Variants in OLFM2 observed in about 807,000 individuals in gnomAD.
OLFM2 encodes olfactomedin 2, also known as noelin-2.
OLFM2 carries 20 observed loss-of-function variants against 43.9 expected under a neutral mutation model. The ratio of observed to expected loss-of-function variants is 0.46; its 90% confidence interval spans 0.32 to 0.66. The LOEUF (loss-of-function observed/expected upper bound fraction) is 0.66, where lower values mean the gene tolerates loss of function less well. Ranked by LOEUF, OLFM2 falls within the 30% of genes least tolerant of loss-of-function variation. OLFM2 has a pLI of 0.04. For missense variants in OLFM2, 416 were observed against 643.6 expected, an observed-to-expected ratio of 0.65 and a Z score of 3.83; for synonymous variants, 268 against 278.6, an observed-to-expected ratio of 0.96 and a Z score of 0.38.
Position 9,898,207 on chromosome 19 carries a change from G to A in OLFM2, c.64-37413C>T, listed in dbSNP as rs564711998. On this transcript the variant is annotated intron_variant, in intron 1 of 5. Coordinates refer to ENST00000264833, the MANE Select transcript of OLFM2 (RefSeq NM_058164.4). ...ATTACAGGCATGAGCCATAGCGCCT[G>A]GCCCCAGCTAATTTTTTTAAAAAAA... Among the ~76,000 whole-genome samples the A allele has an allele frequency of 2.0e-5, 3 of 150,500 alleles. No individual in the cohort carries two copies. The East Asian group carries it at 6.2e-4, about 31-fold the overall frequency.
intron 1 of OLFM2, among the ~76,000 whole-genome samples, chr19:9,863,440 G>A (rs974879814): frequency 2.0e-5 from 3 of 152,106 alleles, no homozygotes; most frequent in African/African-American, 7.2e-5. Context: ...CAGGGCAGGG[G>A]TGACTGCACA....
At chr19:9,926,281 G>T (rs1346815161) in intron 1 of OLFM2, among the ~76,000 whole-genome samples, 1 of 152,168 alleles carries the variant, frequency 6.6e-6, no homozygotes, top group Non-Finnish European at 1.5e-5. Flanking sequence ...GGCCAGGCAT[G>T]GTGGCTCACG....
intron 1 of OLFM2, chr19:9,913,777 G>A: frequency 3.0e-6 from 2 of 671,864 alleles, no homozygotes; most frequent in Non-Finnish European, 1.9e-6. Context: ...GGGTGAGGGG[G>A]GGCTCGGGGA....
intron 1 of OLFM2, chr19:9,913,417 GGCGGCA>G (rs1299221687): frequency 4.3e-6 from 4 of 924,358 alleles, no homozygotes; most frequent in African/African-American, 1.8e-5. Context: ...GGGCTGCGGC[GGCGGCA>G]GCGGCTGTGG....
At chr19:9,899,547 T>C (rs941062254) in intron 1 of OLFM2, among the ~76,000 whole-genome samples, 7 of 150,776 alleles carry the variant, frequency 4.6e-5, no homozygotes, top group African/African-American at 1.5e-4. Context: ...CATCTACTTG[T>C]TTTGTTCTTC....
At chr19:9,924,527 G>C (rs1381200485) in intron 1 of OLFM2, among the ~76,000 whole-genome samples, 1 of 152,060 alleles carries the variant, frequency 6.6e-6, no homozygotes, top group African/African-American at 2.4e-5. Context: ...CCAAAGCACT[G>C]GGATTATGGG....
At chr19:9,891,446 G>A (rs564879955) in intron 1 of OLFM2, among the ~76,000 whole-genome samples, 6 of 151,718 alleles carry the variant, frequency 4.0e-5, no homozygotes, top group African/African-American at 1.5e-4. Flanking sequence ...CCAACATGGT[G>A]AAATCCTGTC....
chr19:9,921,687 A>G lies in OLFM2; in HGVS notation c.63+14617T>C, dbSNP rs958924483. On this transcript the variant is annotated intron_variant, in intron 1 of 5. Transcript: ENST00000264833. ...TTTTTAGTAGAGACGGGGTTTCACC[A>G]TATTAGCCAGGACGGTCTTGATCTC... Among the ~76,000 whole-genome samples, 3 of 151,970 alleles carry G rather than the reference A, an allele frequency of 2.0e-5. No individual in the cohort carries two copies. The East Asian group carries it at 5.9e-4, about 30-fold the overall frequency.
At chr19:9,924,406 CAAAA>C (rs1166738814) in intron 1 of OLFM2, among the ~76,000 whole-genome samples, 4,426 of 25,292 alleles carry the variant, frequency 0.17, 200 homozygotes, top group African/African-American at 0.35. Flanking sequence ...ACTCTGTCTC[CAAAA>C]AAAAAAAAAA....
intron 1 of OLFM2, among the ~76,000 whole-genome samples, chr19:9,897,292 C>T (rs1599487168): frequency 1.4e-5 from 2 of 146,424 alleles, no homozygotes; most frequent in South Asian, 4.3e-4. Flanking sequence ...CCCACCACTA[C>T]ACTCTAGCCT....
chr19:9,860,849 CTCACTGGGACAGG>C (rs1371620209), intron 1 of OLFM2, 55 bp from the exon 2 acceptor site: 29 of 1,538,816 alleles, frequency 1.9e-5, no homozygotes, highest in Non-Finnish European at 2.4e-5. Flanking sequence ...TCGCCTCGCC[CTCACTGGGACAGG>C]AAGGGGGCCC....
At chr19:9,929,421 C>T (rs930498409) in intron 1 of OLFM2, among the ~76,000 whole-genome samples, 2 of 151,204 alleles carry the variant, frequency 1.3e-5, no homozygotes, top group Admixed American at 6.6e-5. Context: ...TATAGAGAAA[C>T]CCTGTCTCTA....
At chr19:9,928,705 T>A (rs571167681) in intron 1 of OLFM2, among the ~76,000 whole-genome samples, 1 of 151,782 alleles carries the variant, frequency 6.6e-6, no homozygotes, top group South Asian at 2.1e-4. Context: ...CTTGGGTGGC[T>A]GAGGCATGAG....
At chr19:9,878,141 C>T (rs2046507188) in intron 1 of OLFM2, among the ~76,000 whole-genome samples, 1 of 152,206 alleles carries the variant, frequency 6.6e-6, no homozygotes, top group South Asian at 2.1e-4. Flanking sequence ...TGAGCCACCA[C>T]ACCCAGCCCT....
chr19:9,915,641 C>A (rs1036129178), intron 1 of OLFM2, among the ~76,000 whole-genome samples: 3 of 151,992 alleles, frequency 2.0e-5, no homozygotes, highest in Non-Finnish European at 4.4e-5. Flanking sequence ...CCTTAGCCTC[C>A]CGAGTAGCTG....
chr19:9,903,969 A>G (rs2046761810), intron 1 of OLFM2, among the ~76,000 whole-genome samples: 1 of 152,070 alleles, frequency 6.6e-6, no homozygotes, highest in African/African-American at 2.4e-5. Context: ...CAGATTTGTC[A>G]TTATACTGAA....
At chr19:9,893,177 T>C (rs1267836577) in intron 1 of OLFM2, among the ~76,000 whole-genome samples, 1 of 151,780 alleles carries the variant, frequency 6.6e-6, no homozygotes, top group East Asian at 1.9e-4. Flanking sequence ...TTTTCTTTTT[T>C]TTTTTGAGAC....
intron 1 of OLFM2, among the ~76,000 whole-genome samples, chr19:9,889,616 T>A (rs930162274): frequency 6.6e-6 from 1 of 152,184 alleles, no homozygotes; most frequent in Non-Finnish European, 1.5e-5. Flanking sequence ...CAGAGGAGGA[T>A]GCATTCAGGC....
chr19:9,914,264 G>A (rs1010957270), intron 1 of OLFM2, among the ~76,000 whole-genome samples: 3 of 152,086 alleles, frequency 2.0e-5, no homozygotes, highest in African/African-American at 7.2e-5. Context: ...ACCCACCCTG[G>A]CTACCTAAAA....
Sources: allele counts gnomAD v4.1 joint callset (sites outside exome capture counted in the v4.1 genomes callset), GRCh38; gene constraint gnomAD v4.1.1; transcripts MANE v1.5; gene names NCBI Gene and HGNC (gene_info 2026-07-23, HGNC 2026-07-21).